RPS6KC1: variants seen among roughly 807,000 people sequenced by gnomAD.
RPS6KC1 encodes ribosomal protein S6 kinase C1, also known as inactive ribosomal protein S6 kinase delta-1.
A neutral mutation model predicts 103.8 loss-of-function variants in RPS6KC1; 54 were observed. That is an observed-to-expected ratio of 0.52 (90% CI 0.42 to 0.65). The LOEUF (loss-of-function observed/expected upper bound fraction) is 0.65, where lower values mean the gene tolerates loss of function less well. Ranked by LOEUF, RPS6KC1 falls within the 30% of genes least tolerant of loss-of-function variation. RPS6KC1 has a pLI of 0.00. For missense variants in RPS6KC1, 1,151 were observed against 1,253.8 expected (o/e 0.92, Z 1.24); for synonymous variants, 439 against 438.7 (o/e 1.00, Z -0.01).
At chr1:213,450,493 G>A in the RPS6KC1 span, among the ~76,000 whole-genome samples, 1 of 152,130 alleles carries the variant, frequency 6.6e-6, no homozygotes, top group Non-Finnish European at 1.5e-5. Context: ...ACCCTTTCTT[G>A]TGTGGGTGCC....
chr1:213,308,559 G>A, the RPS6KC1 span, among the ~76,000 whole-genome samples: 1 of 152,074 alleles, frequency 6.6e-6, no homozygotes, highest in Non-Finnish European at 1.5e-5. Flanking sequence ...AAACACCAAT[G>A]TCTATCTTCC....
the RPS6KC1 span, among the ~76,000 whole-genome samples, chr1:213,514,573 G>A: frequency 2.6e-5 from 4 of 151,962 alleles, no homozygotes; most frequent in Middle Eastern, 3.2e-3. Context: ...CATTTTTTAT[G>A]GCTGCATAGT....
the RPS6KC1 span, among the ~76,000 whole-genome samples, chr1:213,631,392 A>AAT: frequency 1.3e-5 from 2 of 151,582 alleles, no homozygotes; most frequent in African/African-American, 4.8e-5. Flanking sequence ...AAAAAAAAAA[A>AAT]ATAGATTTAC....
chr1:213,608,000 A>C, the RPS6KC1 span, among the ~76,000 whole-genome samples: 2 of 152,150 alleles, frequency 1.3e-5, no homozygotes, highest in African/African-American at 4.8e-5. Flanking sequence ...TTTGATTTGC[A>C]TCCTGATTCG....
At chr1:213,352,181 A>T in the RPS6KC1 span, among the ~76,000 whole-genome samples, 1 of 152,144 alleles carries the variant, frequency 6.6e-6, no homozygotes, top group African/African-American at 2.4e-5. Context: ...CAGGTGCAAG[A>T]AAAATTTTCA....
At chr1:213,760,162 A>C in the RPS6KC1 span, among the ~76,000 whole-genome samples, 1 of 152,230 alleles carries the variant, frequency 6.6e-6, no homozygotes, top group Non-Finnish European at 1.5e-5. Flanking sequence ...AATACACTCA[A>C]GTCAGGATAA....
In RPS6KC1 at chr1:213,239,433, A is replaced by G. The variant is rs185784155; in HGVS notation, c.1226-1269A>G. Among the ~76,000 whole-genome samples the G allele has an allele frequency of 3.9e-5, 6 of 152,296 alleles. No homozygotes were observed. In the East Asian group the frequency reaches 5.8e-4, roughly 15 times the overall value. The stretch of plus-strand genomic sequence containing the variant: ...GAATCCTAGGATTAATATTATGACA[A>G]TTAGCCTTTATTGAGCATTTATTCT... On this transcript the variant is annotated intron_variant, in intron 10 of 14. Transcript: ENST00000366960.
At chr1:213,671,817 A>G in the RPS6KC1 span, among the ~76,000 whole-genome samples, 34 of 152,124 alleles carry the variant, frequency 2.2e-4, no homozygotes, top group Non-Finnish European at 1.0e-4. Context: ...AACAAAAACA[A>G]AGAAATGATA....
chr1:213,087,919 C>T (rs1019863529), intron 3 of RPS6KC1, among the ~76,000 whole-genome samples: 7 of 152,166 alleles, frequency 4.6e-5, no homozygotes, highest in Admixed American at 4.6e-4. Flanking sequence ...CCTGGTTGCC[C>T]TCCTGGAGAG....
At chr1:213,850,526 G>A in the RPS6KC1 span, among the ~76,000 whole-genome samples, 1 of 152,202 alleles carries the variant, frequency 6.6e-6, no homozygotes, top group Non-Finnish European at 1.5e-5. Context: ...GCCATCTACA[G>A]TCTGACATTG....
At chr1:213,578,123 C>A in the RPS6KC1 span, among the ~76,000 whole-genome samples, 1 of 152,264 alleles carries the variant, frequency 6.6e-6, no homozygotes, top group African/African-American at 2.4e-5. Context: ...AAGGGGCCAA[C>A]ATACAGCTCA....
At chr1:213,278,426 T>C (rs2095116462), downstream of RPS6KC1, among the ~76,000 whole-genome samples, 1 of 152,174 alleles carries the variant, frequency 6.6e-6, no homozygotes, top group East Asian at 1.9e-4. Flanking sequence ...GGAGAGGTAA[T>C]GTTTGCAAGA....
At chr1:213,398,102 G>A in the RPS6KC1 span, among the ~76,000 whole-genome samples, 1 of 151,654 alleles carries the variant, frequency 6.6e-6, no homozygotes, top group East Asian at 1.9e-4. Context: ...TGCGATCTCG[G>A]CTCACTGAAA....
At chr1:213,551,958 T>A in the RPS6KC1 span, among the ~76,000 whole-genome samples, 2 of 152,244 alleles carry the variant, frequency 1.3e-5, no homozygotes, top group African/African-American at 4.8e-5. Flanking sequence ...TTATATAGCA[T>A]GTAGCCCTTT....
At chr1:213,611,298 C>T in the RPS6KC1 span, among the ~76,000 whole-genome samples, 1 of 152,078 alleles carries the variant, frequency 6.6e-6, no homozygotes, top group Non-Finnish European at 1.5e-5. Flanking sequence ...TAAATTTCTT[C>T]TGTCTTCTTC....
intron 7 of RPS6KC1, among the ~76,000 whole-genome samples, chr1:213,169,970 T>C (rs957179492): frequency 3.6e-4 from 54 of 152,030 alleles, no homozygotes; most frequent in South Asian, 6.2e-4. Flanking sequence ...TTAGTAGAGA[T>C]GGGGTTTCGC....
chr1:213,400,603 T>C, the RPS6KC1 span, among the ~76,000 whole-genome samples: 1 of 152,056 alleles, frequency 6.6e-6, no homozygotes, highest in East Asian at 1.9e-4. Context: ...TCCTACTAAT[T>C]AGCAGCAGCT....
rs768174092 is a variant in RPS6KC1, at chr1:213,117,405, C to T, written c.467C>T (p.Thr156Met). The stretch of plus-strand genomic sequence containing the variant: ...ATTGATACCTTTCCTGAGTGTAGTA[C>T]GGAAGGTAAGAGATTTTAATTTTTT... The part of the protein sequence containing the change: ...SLIDTFPECS[T>M]EGFSSDSDLV... The change falls in exon 5 of 15, where the codon ACG (threonine) becomes ATG (methionine). Residue 156 changes from threonine (T) to methionine (M), a missense_variant. Around this residue, in one of 3 missense-constraint regions of RPS6KC1, gnomAD observed 959 missense variants for 1,006.3 expected, o/e 0.95. Coordinates refer to ENST00000366960, the MANE Select transcript of RPS6KC1 (RefSeq NM_012424.6). 56 of 1,589,140 alleles carry T rather than the reference C, an allele frequency of 3.5e-5. 1 individual carries two copies. The highest frequency in any genetic ancestry group is 8.5e-5 in the Admixed American group (5 of 58,752).
At chr1:213,719,997 T>C in the RPS6KC1 span, among the ~76,000 whole-genome samples, 1 of 152,022 alleles carries the variant, frequency 6.6e-6, no homozygotes, top group African/African-American at 2.4e-5. Context: ...CTGCCTGCTC[T>C]TCCTGCCTTC....
Sources: gnomAD v4.1 joint callset for allele counts (sites outside exome capture counted in the v4.1 genomes callset) on GRCh38, gnomAD v4.1.1 for gene constraint, gnomAD v4.1.1 regional missense constraint, MANE v1.5 for transcripts, NCBI Gene and HGNC (gene_info 2026-07-23, HGNC 2026-07-21) for gene names.